The following TRPM3 variants were observed in gnomAD, a reference collection of about 807,000 sequenced individuals.
TRPM3 encodes transient receptor potential cation channel subfamily M member 3.
A neutral mutation model predicts 181.2 loss-of-function variants in TRPM3; 77 were observed. That is an observed-to-expected ratio of 0.42 (90% CI 0.35 to 0.51). The LOEUF (loss-of-function observed/expected upper bound fraction) is 0.51. Ranked by LOEUF, TRPM3 falls within the 20% of genes least tolerant of loss-of-function variation. The pLI is 0.01. For missense variants in TRPM3, 1,759 were observed against 2,196.7 expected (o/e 0.80, Z 3.98); for synonymous variants, 745 against 796.4 (o/e 0.94, Z 1.09).
intron 1 of TRPM3, among the ~76,000 whole-genome samples, chr9:70,874,342 T>C (rs764802218): frequency 6.6e-6 from 1 of 152,012 alleles, no homozygotes; most frequent in Non-Finnish European, 1.5e-5. Context: ...TAGAATTTCA[T>C]GTAATCTTAA....
chr9:71,348,074 T>C (rs1336452995), intron 1 of TRPM3, among the ~76,000 whole-genome samples: 1 of 152,214 alleles, frequency 6.6e-6, no homozygotes, highest in African/African-American at 2.4e-5. Context: ...AAAATTGTTA[T>C]TTTCTGATTA....
chr9:70,765,362 G>A (rs1186719645), intron 7 of TRPM3, among the ~76,000 whole-genome samples: 2 of 152,096 alleles, frequency 1.3e-5, no homozygotes, highest in East Asian at 3.9e-4. Flanking sequence ...AGCCAGAGGC[G>A]GGTGGATCAC....
At position 71,095,758 on chromosome 9, in the gene TRPM3, CAAAAAAAAAAA is replaced by C. The variant is rs34934062; in HGVS notation, c.177+25409_177+25419del. On this transcript the variant is annotated intron_variant, in intron 1 of 25. Transcript: ENST00000677713. ...TGGGCAGCAGAATGAGACTCTGTGT[CAAAAAAAAAAA>C]AAAAAAAAAGAAAGAAAGAAAAGAA... Among the ~76,000 whole-genome samples, 5 of 85,310 alleles carry C rather than the reference CAAAAAAAAAAA, an allele frequency of 5.9e-5. No homozygotes were observed. In the East Asian group the frequency reaches 1.7e-3, roughly 30 times the overall value. The allele number at this position is 85,310 out of a possible 152,430, so 56.0% of individuals were successfully genotyped here.
At chr9:70,821,986 C>G (rs779566917) in intron 6 of TRPM3, among the ~76,000 whole-genome samples, 3 of 152,224 alleles carry the variant, frequency 2.0e-5, no homozygotes, top group Non-Finnish European at 2.9e-5. Flanking sequence ...TGTTCATTCT[C>G]CCAGTCTCTA....
chr9:70,898,086 C>A (rs2096308867), intron 1 of TRPM3, among the ~76,000 whole-genome samples: 1 of 151,902 alleles, frequency 6.6e-6, no homozygotes, highest in African/African-American at 2.4e-5. Context: ...CAGGCACCTA[C>A]ATTCTCACTA....
chr9:70,678,442 A>T (rs2064595631), intron 9 of TRPM3, among the ~76,000 whole-genome samples: 1 of 151,968 alleles, frequency 6.6e-6, no homozygotes, highest in Non-Finnish European at 1.5e-5. Flanking sequence ...CTCTTTCTTC[A>T]TTTTTGGACA....
At chr9:71,002,979 A>G (rs1361207822) in intron 1 of TRPM3, among the ~76,000 whole-genome samples, 1 of 152,200 alleles carries the variant, frequency 6.6e-6, no homozygotes, top group East Asian at 1.9e-4. Context: ...CCAGGACTCT[A>G]TCAAGAATTA....
At chr9:70,805,077 T>C (rs1434577774) in intron 6 of TRPM3, among the ~76,000 whole-genome samples, 1 of 152,128 alleles carries the variant, frequency 6.6e-6, no homozygotes, top group Non-Finnish European at 1.5e-5. Flanking sequence ...AATTATTTTA[T>C]CAGTGGTTAC....
chr9:71,209,874 AAT>A (rs2079374118), intron 1 of TRPM3, among the ~76,000 whole-genome samples: 1 of 152,218 alleles, frequency 6.6e-6, no homozygotes, highest in Non-Finnish European at 1.5e-5. Flanking sequence ...TTTACATTAT[AAT>A]GGCAGAATTG....
intron 1 of TRPM3, among the ~76,000 whole-genome samples, chr9:71,058,401 G>A (rs1187230853): frequency 6.6e-6 from 1 of 152,142 alleles, no homozygotes; most frequent in Admixed American, 6.5e-5. Context: ...AGCTGCAGGA[G>A]GGTTGGCTCT....
intron 1 of TRPM3, chr9:70,917,570 T>A: frequency 5.0e-6 from 3 of 594,888 alleles, no homozygotes; most frequent in Non-Finnish European, 9.3e-6. Context: ...TAAGTTGTTA[T>A]ATCAACTTAA....
intron 8 of TRPM3, among the ~76,000 whole-genome samples, chr9:70,695,201 G>A (rs2069954492): frequency 6.6e-6 from 1 of 152,184 alleles, no homozygotes; most frequent in Non-Finnish European, 1.5e-5. Flanking sequence ...GAATCATACA[G>A]ATGCAAAACT....
chr9:71,019,456 A>C (rs2097822942), intron 1 of TRPM3, among the ~76,000 whole-genome samples: 1 of 152,112 alleles, frequency 6.6e-6, no homozygotes, highest in Non-Finnish European at 1.5e-5. Flanking sequence ...ATCATCAATT[A>C]CTGAGTAAAA....
intron 1 of TRPM3, among the ~76,000 whole-genome samples, chr9:71,177,192 A>C (rs2077147129): frequency 6.6e-6 from 1 of 151,600 alleles, no homozygotes; most frequent in South Asian, 2.1e-4. Flanking sequence ...GTCTCCCAAA[A>C]CCCCCAGATG....
intron 12 of TRPM3, among the ~76,000 whole-genome samples, chr9:70,629,881 G>A (rs897579203): frequency 6.6e-6 from 1 of 152,216 alleles, no homozygotes; most frequent in Non-Finnish European, 1.5e-5. Context: ...ACTAGGAAGA[G>A]TGGAAACCTT....
chr9:70,621,307 C>A (rs769385300), intron 14 of TRPM3, 34 bp from the exon 15 acceptor site: 5 of 1,572,742 alleles, frequency 3.2e-6, no homozygotes, highest in African/African-American at 1.4e-5. Flanking sequence ...AAAGTTAGAT[C>A]AGTTAGATCT....
intron 1 of TRPM3, among the ~76,000 whole-genome samples, chr9:71,422,003 T>C (rs372163040): frequency 1.3e-5 from 2 of 152,100 alleles, no homozygotes; most frequent in East Asian, 3.9e-4. Flanking sequence ...TTTTTGAAGA[T>C]GCTACATAAG....
chr9:70,805,752 G>A (rs1037229340), intron 6 of TRPM3, among the ~76,000 whole-genome samples: 4 of 152,070 alleles, frequency 2.6e-5, no homozygotes, highest in Admixed American at 1.3e-4. Flanking sequence ...TGCTTTACAT[G>A]TGCAAAAATA....
At chr9:71,343,052 A>T (rs1290233634) in intron 1 of TRPM3, among the ~76,000 whole-genome samples, 1 of 152,112 alleles carries the variant, frequency 6.6e-6, no homozygotes, top group Non-Finnish European at 1.5e-5. Flanking sequence ...ACACAAGAAG[A>T]ATAAACCAGA....
Sources: allele counts gnomAD v4.1 joint callset (sites outside exome capture counted in the v4.1 genomes callset), GRCh38; gene constraint gnomAD v4.1.1; transcripts MANE v1.5; gene names NCBI Gene and HGNC (gene_info 2026-07-23, HGNC 2026-07-21).